The following FBXL20 variants were observed in gnomAD, a reference collection of about 807,000 sequenced individuals.
FBXL20 encodes F-box/LRR-repeat protein 20.
Under a neutral mutation model 64.0 loss-of-function variants are expected in FBXL20, and 11 were observed. The ratio of observed to expected loss-of-function variants is 0.17; its 90% CI spans 0.11 to 0.28. The LOEUF (loss-of-function observed/expected upper bound fraction) is 0.28, where lower values mean the gene tolerates loss of function less well. Among genes scored for constraint, FBXL20 ranks in the 10% least tolerant of loss-of-function variants. The pLI is 1.00. For missense variants in FBXL20, 303 were observed against 526.2 expected (o/e 0.58, Z 4.15); for synonymous variants, 184 against 189.0 (o/e 0.97, Z 0.22).
chr17:39,323,172 T>C (rs529125485), intron 2 of FBXL20, among the ~76,000 whole-genome samples: 4 of 152,166 alleles, frequency 2.6e-5, no homozygotes, highest in African/African-American at 9.6e-5. Context: ...GGTTTTACCA[T>C]GTTAGCCAGG....
chr17:39,336,956 C>A (rs72825123), intron 2 of FBXL20, among the ~76,000 whole-genome samples: 112 of 150,126 alleles, frequency 7.5e-4, no homozygotes, highest in Non-Finnish European at 1.3e-3. Context: ...CTCTCCCTCT[C>A]CCTCCTCTCC....
intron 3 of FBXL20, among the ~76,000 whole-genome samples, chr17:39,303,298 ATT>A (rs774729560): frequency 5.3e-5 from 8 of 152,214 alleles, no homozygotes; most frequent in Non-Finnish European, 8.8e-5. Flanking sequence ...TTTCATCACA[ATT>A]TTGAGTCAAG....
intron 1 of FBXL20, among the ~76,000 whole-genome samples, chr17:39,391,895 G>T (rs180679905): frequency 5.1e-4 from 77 of 150,884 alleles, no homozygotes; most frequent in African/African-American, 1.8e-3. Flanking sequence ...TGTAATCCTA[G>T]CACTTTGGGA....
intron 2 of FBXL20, among the ~76,000 whole-genome samples, chr17:39,333,717 C>G (rs926883043): frequency 6.6e-6 from 1 of 151,842 alleles, no homozygotes; most frequent in Non-Finnish European, 1.5e-5. Context: ...TCTGCCCGGC[C>G]GCCCATCATC....
intron 1 of FBXL20, among the ~76,000 whole-genome samples, chr17:39,392,517 G>A (rs528592619): frequency 5.3e-5 from 8 of 151,636 alleles, no homozygotes; most frequent in South Asian, 2.1e-4. Flanking sequence ...TATACAGTGC[G>A]TTGGCTTTTC....
chr17:39,368,659 G>GT (rs1477207166), intron 1 of FBXL20, among the ~76,000 whole-genome samples: 1 of 151,904 alleles, frequency 6.6e-6, no homozygotes, highest in Non-Finnish European at 1.5e-5. Context: ...TTTTTTGTTT[G>GT]TTTTTTGTTT....
intron 1 of FBXL20, among the ~76,000 whole-genome samples, chr17:39,365,745 C>T (rs2047853656): frequency 6.6e-6 from 1 of 152,198 alleles, no homozygotes; most frequent in Admixed American, 6.5e-5. Context: ...ATTCCATGAA[C>T]TCTGAAGAAC....
At chr17:39,305,893 A>G (rs1434777036) in intron 2 of FBXL20, among the ~76,000 whole-genome samples, 1 of 151,928 alleles carries the variant, frequency 6.6e-6, no homozygotes, top group Non-Finnish European at 1.5e-5. Flanking sequence ...AGGCTGAGAC[A>G]GAAGAATCGC....
intron 2 of FBXL20, among the ~76,000 whole-genome samples, chr17:39,325,936 G>A (rs2047404562): frequency 6.6e-6 from 1 of 152,132 alleles, no homozygotes; most frequent in African/African-American, 2.4e-5. Flanking sequence ...AATGTTGGAG[G>A]TGGGACCTAG....
chr17:39,279,125 T>C (rs801429), intron 9 of FBXL20, among the ~76,000 whole-genome samples: 122,820 of 151,918 alleles, frequency 0.81, 49,915 homozygotes, highest in South Asian at 0.92. Flanking sequence ...GCCTGGGCGA[T>C]ACAGCGAGAC....
chr17:39,341,408 C>CAT (rs2047581905), intron 2 of FBXL20, among the ~76,000 whole-genome samples: 1 of 151,876 alleles, frequency 6.6e-6, no homozygotes, highest in Non-Finnish European at 1.5e-5. Flanking sequence ...AGATAAAATA[C>CAT]CTCCAGTGTC....
chr17:39,258,790 A>C lies in FBXL20; in HGVS notation c.*2670T>G, dbSNP rs1169053513. The C allele has an allele frequency of 1.3e-5, 2 of 152,328 alleles. No individual in the cohort carries two copies. Among genetic ancestry groups the C allele is most frequent in the Non-Finnish European group, 2.9e-5 (2 of 68,028 alleles). 9.4% of individuals were successfully genotyped at this position (152,328 alleles called of 1,614,324 possible). A position where few individuals can be genotyped will look rare whatever the true frequency, so the allele number is the denominator to read the frequency against. On this transcript the variant is annotated 3_prime_UTR_variant, in exon 15 of 15. Coordinates refer to ENST00000264658, the MANE Select transcript of FBXL20 (RefSeq NM_032875.3). ...TTAAACTTTAAAGCAGATGGCCCCT[A>C]AATAGTTCTCTCCTTTAGTTTTGTT...
chr17:39,289,111 G>A (rs556094902), intron 6 of FBXL20, among the ~76,000 whole-genome samples: 1 of 152,080 alleles, frequency 6.6e-6, no homozygotes, highest in Non-Finnish European at 1.5e-5. Flanking sequence ...TCCACTGACT[G>A]ATATGTTTAT....
At chr17:39,305,775 C>A (rs1331966502) in intron 2 of FBXL20, among the ~76,000 whole-genome samples, 1 of 151,996 alleles carries the variant, frequency 6.6e-6, no homozygotes, top group African/African-American at 2.4e-5. Flanking sequence ...CATCTGAGGT[C>A]AGGAGTTCGA....
intron 2 of FBXL20, among the ~76,000 whole-genome samples, chr17:39,312,035 T>A (rs1337972022): frequency 6.6e-6 from 1 of 152,150 alleles, no homozygotes; most frequent in Non-Finnish European, 1.5e-5. Context: ...TGTCATTGAG[T>A]TAGCTTTTCA....
At chr17:39,285,405 C>T (rs1006559044) in intron 7 of FBXL20, 73 bp downstream of exon 7, 2 of 1,036,684 alleles carry the variant, frequency 1.9e-6, no homozygotes, top group Admixed American at 2.8e-5. Context: ...TCAATTCCCA[C>T]TTTATATCAA....
At chr17:39,349,473 G>A (rs1406323656) in intron 1 of FBXL20, among the ~76,000 whole-genome samples, 3 of 151,372 alleles carry the variant, frequency 2.0e-5, no homozygotes, top group African/African-American at 4.9e-5. Context: ...CTATAATCCC[G>A]GCACCTTGGA....
intron 1 of FBXL20, among the ~76,000 whole-genome samples, chr17:39,385,007 T>C (rs958091104): frequency 6.6e-6 from 1 of 152,134 alleles, no homozygotes; most frequent in African/African-American, 2.4e-5. Context: ...GGATACATAA[T>C]ACACAATTAA....
At chr17:39,289,997 T>TAAAAAA (rs1567865610) in intron 6 of FBXL20, among the ~76,000 whole-genome samples, 13 of 33,020 alleles carry the variant, frequency 3.9e-4, no homozygotes, top group African/African-American at 2.8e-3. Flanking sequence ...AGACTCAGTC[T>TAAAAAA]CAAAAAAAAA....
Sources: allele counts gnomAD v4.1 joint callset (sites outside exome capture counted in the v4.1 genomes callset), GRCh38; gene constraint gnomAD v4.1.1; transcripts MANE v1.5; gene names NCBI Gene and HGNC (gene_info 2026-07-23, HGNC 2026-07-21).